ASGR1: variants seen among roughly 807,000 people sequenced by gnomAD.
ASGR1 encodes asialoglycoprotein receptor 1.
ASGR1 carries 35 observed loss-of-function variants against 33.1 expected under a neutral mutation model. The ratio of observed to expected loss-of-function variants is 1.06; its 90% confidence interval spans 0.81 to 1.40. The LOEUF is 1.40. ASGR1 is among the 40% of genes most tolerant of loss of function. The pLI, the probability that ASGR1 is intolerant of heterozygous loss-of-function variation, is 0.00. For synonymous variants in ASGR1, 142 were observed against 152.5 expected, an observed-to-expected ratio of 0.93 and a Z score of 0.51; for missense variants, 396 against 373.7, an observed-to-expected ratio of 1.06 and a Z score of -0.49.
chr17:7,174,950 CCA>C (rs2069178065), intron 5 of ASGR1, among the ~76,000 whole-genome samples: 4 of 142,972 alleles, frequency 2.8e-5, no homozygotes, highest in Admixed American at 7.0e-5. Flanking sequence ...CAAAACACAC[CCA>C]CAGACACACA....
chr17:7,175,759 T>G (rs145781319), intron 5 of ASGR1, among the ~76,000 whole-genome samples: 128 of 138,658 alleles, frequency 9.2e-4, no homozygotes, highest in Non-Finnish European at 1.7e-3. Flanking sequence ...CCATCCACAC[T>G]CCTTCTCATT....
intron 5 of ASGR1, among the ~76,000 whole-genome samples, chr17:7,175,366 C>T (rs1188928266): frequency 6.7e-6 from 1 of 148,882 alleles, no homozygotes; most frequent in African/African-American, 2.5e-5. Context: ...ACAACACACC[C>T]TCACCCAAAC....
chr17:7,177,425 C>G, intron 2 of ASGR1, 99 bp from the exon 3 acceptor site: 1 of 893,712 alleles, frequency 1.1e-6, no homozygotes, highest in Non-Finnish European at 1.7e-6. Flanking sequence ...CCCTAGTAGT[C>G]TAGGAGGAAC....
intron 2 of ASGR1, 41 bp downstream of exon 2, chr17:7,178,453 C>G: frequency 6.3e-7 from 1 of 1,599,498 alleles, no homozygotes; most frequent in South Asian, 1.1e-5. Flanking sequence ...GGAGAACCGC[C>G]AAATTCTCGC....
At position 7,173,781 on chromosome 17, in the gene ASGR1, C is replaced by T; in HGVS notation, c.754G>A (p.Gly252Ser). Residue 252 changes from glycine to serine, a missense_variant, in exon 9 of 9, where the codon GGC (glycine) becomes AGC (serine). Gly to Ser is a moderately conservative substitution (Grantham distance 56, BLOSUM62 0). Coordinates refer to ENST00000269299, the MANE Select transcript of ASGR1 (RefSeq NM_001671.5). The surrounding 1 kb of genome is among the most constrained non-coding windows in gnomAD (Gnocchi z 4.7). ...DDWYGHGLGG[G>S]EDCAHFTDDG... is the part of the protein sequence containing the mutation. ...TCGGTGAAGTGGGCACAGTCCTCGCCTCCTCCGAGCCCGTGGCCGTACCAG... is the reference window on the plus strand; with the variant it reads ...TCGGTGAAGTGGGCACAGTCCTCGCTTCCTCCGAGCCCGTGGCCGTACCAG... 1 of 1,613,052 alleles carries T rather than the reference C, an allele frequency of 6.2e-7. No individual in the cohort carries two copies. The highest frequency in any genetic ancestry group is 8.5e-7 in the Non-Finnish European group (1 of 1,179,966).
intron 2 of ASGR1, 124 bp downstream of exon 2, chr17:7,178,370 T>G: frequency 1.1e-5 from 11 of 981,554 alleles, no homozygotes; most frequent in African/African-American, 1.6e-5. Flanking sequence ...CCTTTCCCAG[T>G]GTTGGGGGAG....
At position 7,177,547 on chromosome 17, in the gene ASGR1, C is replaced by A. The variant is rs899897540; in HGVS notation, c.71-221G>T. ...GGGCTAAGCGCTGAGCCGCCCCATC[C>A]CACCGAGGCCCTGAGCTTTTGCTGA... On this transcript the variant is annotated intron_variant, in intron 2 of 8. Transcript: ENST00000269299. The A allele has an allele frequency of 1.1e-5, 6 of 524,898 alleles. No individual in the cohort carries two copies. In the Admixed American group the frequency reaches 2.1e-4, roughly 18 times the overall value. 32.5% of individuals were successfully genotyped at this position (524,898 alleles called of 1,614,324 possible).
Position 7,174,362 on chromosome 17 carries a change from T to G in ASGR1, c.442+12A>C. 1 of 1,613,992 alleles carries G rather than the reference T, an allele frequency of 6.2e-7. No individual in the cohort carries two copies. The highest frequency in any genetic ancestry group is 8.5e-7 in the Non-Finnish European group (1 of 1,179,962). ...GGGGGAGGCAGAGAGCGGGCCGGGC[T>G]GGCCTCCTTACCATTGCCCTGGAGC... On this transcript the variant is annotated intron_variant, in intron 6 of 8. Transcript: ENST00000269299.
chr17:7,178,738 C>A (rs72837688), intron 1 of ASGR1, 150 bp from the exon 2 acceptor site: 5 of 90,156 alleles, frequency 5.5e-5, no homozygotes, highest in Non-Finnish European at 9.6e-5. Flanking sequence ...TTTTTCTTTT[C>A]TTTTTTTTTT....
intron 5 of ASGR1, chr17:7,176,488 A>T: frequency 3.2e-6 from 1 of 307,786 alleles, no homozygotes; most frequent in Non-Finnish European, 5.9e-6. Flanking sequence ...CACACACTCT[A>T]TCTCATTCTC....
rs1223111304 is a variant in ASGR1 at position 7,174,408 on chromosome 17, G to A, written c.408C>T (p.Ser136=). The A allele has an allele frequency of 1.2e-6, 2 of 1,613,952 alleles. No homozygotes were observed. The highest frequency in any genetic ancestry group is 1.7e-6 in the Non-Finnish European group (2 of 1,179,952). The change falls in exon 6 of 9, where the codon AGC becomes AGT. Residue 136 remains serine, a synonymous_variant. Transcript: ENST00000269299. ...HVKQFVSDLR[S]LSCQMAALQG... is the part of the protein sequence containing the mutation. Reference sequence around the variant, plus strand: ...GGAGCGCCGCCATCTGACAGCTCAGGCTCCGCAGGTCAGACACGAACTGCT... The same window carrying A: ...GGAGCGCCGCCATCTGACAGCTCAGACTCCGCAGGTCAGACACGAACTGCT...
chr17:7,175,858 A>C (rs2069194769), intron 5 of ASGR1, among the ~76,000 whole-genome samples: 1 of 129,360 alleles, frequency 7.7e-6, no homozygotes, highest in African/African-American at 3.3e-5. Flanking sequence ...TCTCACACAC[A>C]CTCCCACTCC....
chr17:7,176,760 T>C, intron 5 of ASGR1, 70 bp downstream of exon 5: 1 of 1,573,414 alleles, frequency 6.4e-7, no homozygotes, highest in East Asian at 2.3e-5. Context: ...ACTCACACTT[T>C]CTCACACACA....
rs554737782 is a variant in ASGR1 at position 7,174,022 on chromosome 17, G to A, written c.640C>T (p.Leu214Phe). The change falls in exon 8 of 9, where the codon CTC (leucine) becomes TTC (phenylalanine). Residue 214 changes from leucine to phenylalanine, a missense_variant. Transcript: ENST00000269299. Reference sequence around the variant, plus strand: ...TTCCAGGGCCCGTTTTGGTCGTGGAGGCCCATCCAGGTGTTCACAGGGCCT... The same window carrying A: ...TTCCAGGGCCCGTTTTGGTCGTGGAAGCCCATCCAGGTGTTCACAGGGCCT... ...HIGPVNTWMGLHDQNGPWKWV... is the reference protein window; with the variant it reads ...HIGPVNTWMGFHDQNGPWKWV... 2 of 1,614,230 alleles carry A rather than the reference G, an allele frequency of 1.2e-6. No homozygotes were observed. The highest frequency in any genetic ancestry group is 2.2e-5 in the South Asian group (2 of 91,086).
rs1384221967 is a variant in ASGR1 at position 7,177,013 on chromosome 17, G to A, written c.251C>T (p.Thr84Met). Residue 84 changes from threonine (T) to methionine (M), a missense_variant, in exon 4 of 9, where the codon ACG becomes ATG. Thr to Met is a moderately conservative substitution (Grantham distance 81). Coordinates refer to ENST00000269299, the MANE Select transcript of ASGR1 (RefSeq NM_001671.5). ...RETFSNFTAS[T>M]EAQVKGLSTQ... ...GCTCAAGCCCTTGACCTGGGCCTCC[G>A]TGCTCGCTGTGAAGTTGCTGAACGT... 2.6e-6 allele frequency: 4 copies of A among 1,563,684 alleles called. No individual in the cohort carries two copies. The highest frequency in any genetic ancestry group is 3.5e-6 in the Non-Finnish European group (4 of 1,150,414).
intron 5 of ASGR1, among the ~76,000 whole-genome samples, 193 bp from the exon 6 acceptor site, chr17:7,174,653 TACAC>T (rs959632550): frequency 4.3e-5 from 6 of 138,364 alleles, no homozygotes; most frequent in Non-Finnish European, 9.6e-5. Context: ...AACACACCCT[TACAC>T]ACACACTCAC....
In ASGR1 at chr17:7,173,813, G is replaced by C. The variant is rs769803298; in HGVS notation, c.722C>G (p.Pro241Arg). Residue 241 changes from proline to arginine, a missense_variant, in exon 9 of 9, where the codon CCG becomes CGG. By Grantham distance (103) the Pro-to-Arg change is moderately radical (BLOSUM62 -2). Coordinates refer to ENST00000269299, the MANE Select transcript of ASGR1 (RefSeq NM_001671.5). This position sits in a 1 kb window ranked among gnomAD's most constrained non-coding sequence, Gnocchi z 4.7. ...TGFKNWRPEQ[P>R]DDWYGHGLGG... Reference sequence around the variant, plus strand: ...GAGCCCGTGGCCGTACCAGTCGTCCGGCTGCTCCGGCCTCCAGTTCCTGGG... The same window carrying C: ...GAGCCCGTGGCCGTACCAGTCGTCCCGCTGCTCCGGCCTCCAGTTCCTGGG... 7 of 1,610,864 alleles carry C rather than the reference G, an allele frequency of 4.3e-6. No individual in the cohort carries two copies. In the Admixed American group the frequency reaches 6.7e-5, roughly 15 times the overall value.
intron 5 of ASGR1, chr17:7,176,610 TCA>T (rs753466781): frequency 3.4e-5 from 20 of 596,654 alleles, no homozygotes; most frequent in Admixed American, 5.9e-5. Flanking sequence ...ATTCTCACAC[TCA>T]CAGACATACA....
chr17:7,178,450 C>T (rs761550199), intron 2 of ASGR1, 44 bp downstream of exon 2: 5 of 1,589,680 alleles, frequency 3.1e-6, no homozygotes, highest in Middle Eastern at 1.7e-4. Flanking sequence ...GGTGGAGAAC[C>T]GCCAAATTCT....
Sources: gnomAD v4.1 joint callset for allele counts (sites outside exome capture counted in the v4.1 genomes callset) on GRCh38, gnomAD v4.1.1 for gene constraint, Gnocchi (gnomAD v3.1) non-coding constraint, MANE v1.5 for transcripts, NCBI Gene and HGNC (gene_info 2026-07-23, HGNC 2026-07-21) for gene names.